Variants in SLC36A1 observed in about 807,000 individuals in gnomAD.
SLC36A1 encodes solute carrier family 36 member 1, also known as proton-coupled amino acid transporter 1.
In SLC36A1, 30 loss-of-function variants were observed where a neutral mutation model predicts 47.5. The observed-to-expected ratio is 0.63, with a 90% CI of 0.47 to 0.86. SLC36A1 has a LOEUF of 0.86. Ranked by LOEUF, SLC36A1 falls within the 40% of genes least tolerant of loss-of-function variation. SLC36A1 has a pLI of 0.00. For missense variants in SLC36A1, 517 were observed against 606.0 expected, an observed-to-expected ratio of 0.85 and a Z score of 1.54; for synonymous variants, 255 against 249.7, an observed-to-expected ratio of 1.02 and a Z score of -0.20.
At chr5:151,486,722 G>A (rs1759613257) in intron 10 of SLC36A1, among the ~76,000 whole-genome samples, 1 of 152,220 alleles carries the variant, frequency 6.6e-6, no homozygotes, top group South Asian at 2.1e-4. Flanking sequence ...CAATGAGGTA[G>A]TAGATAAGCT....
chr5:151,514,591 G>C, the SLC36A1 span, among the ~76,000 whole-genome samples: 817 of 152,310 alleles, frequency 5.4e-3, 13 homozygotes, highest in African/African-American at 0.018. Flanking sequence ...TCTCAAATGA[G>C]CCTTTAATGC....
chr5:151,447,067 G>A (rs1472319813), upstream of SLC36A1, among the ~76,000 whole-genome samples: 2 of 152,106 alleles, frequency 1.3e-5, no homozygotes, highest in Non-Finnish European at 2.9e-5. Flanking sequence ...TTACATAATT[G>A]TTAAAGGAAA....
chr5:151,475,060 C>T (rs1166111065), intron 8 of SLC36A1, among the ~76,000 whole-genome samples: 1 of 152,208 alleles, frequency 6.6e-6, no homozygotes, highest in Non-Finnish European at 1.5e-5. Flanking sequence ...AGGTTTTATA[C>T]CTTGCCCTGT....
At chr5:151,522,025 T>C in the SLC36A1 span, 1 of 1,612,998 alleles carries the variant, frequency 6.2e-7, no homozygotes, top group Non-Finnish European at 8.5e-7. Flanking sequence ...GTGGCTCTGC[T>C]CTGTGACATG....
At chr5:151,513,974 A>G in the SLC36A1 span, among the ~76,000 whole-genome samples, 1 of 152,212 alleles carries the variant, frequency 6.6e-6, no homozygotes, top group Non-Finnish European at 1.5e-5. Context: ...ACTGGGTTAA[A>G]ACATTTTAAT....
At chr5:151,458,127 C>T (rs1440569245) in intron 1 of SLC36A1, among the ~76,000 whole-genome samples, 2 of 151,674 alleles carry the variant, frequency 1.3e-5, no homozygotes, top group Admixed American at 6.6e-5. Flanking sequence ...GGGTTGCAGG[C>T]GTGAGCCACC....
chr5:151,372,172 A>G, the SLC36A1 span, among the ~76,000 whole-genome samples: 1 of 152,206 alleles, frequency 6.6e-6, no homozygotes, highest in African/African-American at 2.4e-5. Context: ...CTGGGACTCT[A>G]GCACAGAGTC....
upstream of SLC36A1, among the ~76,000 whole-genome samples, chr5:151,444,198 T>C (rs1752790230): frequency 6.6e-6 from 1 of 152,220 alleles, no homozygotes; most frequent in Non-Finnish European, 1.5e-5. Flanking sequence ...TATATCTCAG[T>C]AAAGAATGCC....
At chr5:151,523,658 G>T in the SLC36A1 span, among the ~76,000 whole-genome samples, 4 of 152,182 alleles carry the variant, frequency 2.6e-5, no homozygotes, top group Admixed American at 2.6e-4. Context: ...AGAATACAGA[G>T]GTCAGGAAGC....
At chr5:151,382,011 C>T in the SLC36A1 span, 1 of 616,678 alleles carries the variant, frequency 1.6e-6, no homozygotes. Context: ...AATGGCAGTG[C>T]TTATGCCCAG....
the SLC36A1 span, chr5:151,545,391 A>T: frequency 6.2e-7 from 1 of 1,614,192 alleles, no homozygotes; most frequent in South Asian, 1.1e-5. Flanking sequence ...CAGCTTCATC[A>T]GCATTGCCAG....
the SLC36A1 span, among the ~76,000 whole-genome samples, chr5:151,383,968 A>G: frequency 6.6e-6 from 1 of 152,194 alleles, no homozygotes; most frequent in Non-Finnish European, 1.5e-5. Flanking sequence ...AAACAAGTCC[A>G]TTGTAAAACG....
At chr5:151,389,803 T>C in the SLC36A1 span, among the ~76,000 whole-genome samples, 32 of 152,062 alleles carry the variant, frequency 2.1e-4, 1 homozygote, top group Admixed American at 2.1e-3. Flanking sequence ...TAATCCAGTC[T>C]ATCACTGATG....
chr5:151,530,215 T>C, the SLC36A1 span, among the ~76,000 whole-genome samples: 121 of 151,734 alleles, frequency 8.0e-4, 1 homozygote, highest in Admixed American at 4.7e-3. Context: ...TGGATCAGGT[T>C]GACAACACCT....
chr5:151,533,744 C>CAT, the SLC36A1 span, among the ~76,000 whole-genome samples: 6 of 151,384 alleles, frequency 4.0e-5, no homozygotes, highest in African/African-American at 1.2e-4. Flanking sequence ...TACACACATA[C>CAT]ATATATATAT....
intron 1 of SLC36A1, among the ~76,000 whole-genome samples, chr5:151,450,091 G>C (rs1265983721): frequency 6.6e-6 from 1 of 152,078 alleles, no homozygotes; most frequent in Non-Finnish European, 1.5e-5. Context: ...CTGGCATGTA[G>C]AGTGGATGGA....
chr5:151,441,232 TGAGGCTGTA>T (rs1309230117), intron 1 of SLC36A1, among the ~76,000 whole-genome samples: 2 of 152,146 alleles, frequency 1.3e-5, no homozygotes, highest in Admixed American at 1.3e-4. Context: ...CCCAGGAGTT[TGAGGCTGTA>T]GTGTGCTATG....
At chr5:151,545,674 C>G in the SLC36A1 span, 3 of 1,614,044 alleles carry the variant, frequency 1.9e-6, no homozygotes, top group Non-Finnish European at 2.5e-6. Context: ...GGTTCCCATG[C>G]TGGGATCAAT....
chr5:151,372,522 C>A, the SLC36A1 span, among the ~76,000 whole-genome samples: 1 of 151,996 alleles, frequency 6.6e-6, no homozygotes, highest in Non-Finnish European at 1.5e-5. Flanking sequence ...CAATGCACTG[C>A]GTCCTGGAAC....
Sources: gnomAD v4.1 joint callset for allele counts (sites outside exome capture counted in the v4.1 genomes callset) on GRCh38, gnomAD v4.1.1 for gene constraint, MANE v1.5 for transcripts, NCBI Gene and HGNC (gene_info 2026-07-23, HGNC 2026-07-21) for gene names.